Variants in HDAC9 observed in about 807,000 individuals in gnomAD.
HDAC9 encodes histone deacetylase 9.
A neutral mutation model predicts 139.4 loss-of-function variants in HDAC9; 41 were observed. That is an observed-to-expected ratio of 0.29 (90% CI 0.23 to 0.38). The LOEUF (loss-of-function observed/expected upper bound fraction) is 0.38, where lower values mean the gene tolerates loss of function less well. HDAC9 is among the 10% of genes least tolerant of loss of function. The pLI is 1.00. For synonymous variants in HDAC9, 517 were observed against 476.2 expected (o/e 1.09, Z -1.12); for missense variants, 1,147 against 1,297.0 (o/e 0.88, Z 1.78).
At chr7:18,307,964 A>G (rs1229732509) in intron 1 of HDAC9, among the ~76,000 whole-genome samples, 2 of 152,238 alleles carry the variant, frequency 1.3e-5, no homozygotes, top group African/African-American at 4.8e-5. Context: ...ATCTGACTAG[A>G]TATACTTTCC....
At chr7:18,917,662 C>A (rs1487807417) in intron 22 of HDAC9, among the ~76,000 whole-genome samples, 1 of 151,908 alleles carries the variant, frequency 6.6e-6, no homozygotes, top group Non-Finnish European at 1.5e-5. Flanking sequence ...TTTACTGTGT[C>A]CTTTCATTGG....
chr7:18,663,784 C>T (rs145414862), intron 11 of HDAC9, among the ~76,000 whole-genome samples: 30 of 152,220 alleles, frequency 2.0e-4, no homozygotes, highest in African/African-American at 7.2e-4. Context: ...CTGATGGGCT[C>T]CTGCAGCCTC....
chr7:18,294,278 T>A (rs549322952), intron 1 of HDAC9, among the ~76,000 whole-genome samples: 1 of 152,208 alleles, frequency 6.6e-6, no homozygotes, highest in African/African-American at 2.4e-5. Flanking sequence ...AGAATCATGG[T>A]TCAAAGCCCA....
chr7:18,477,390 TGTGC>T (rs920928102), intron 1 of HDAC9, among the ~76,000 whole-genome samples: 1 of 151,874 alleles, frequency 6.6e-6, no homozygotes, highest in African/African-American at 2.4e-5. Context: ...ATCAGTTATG[TGTGC>T]GTGCGTGCGT....
intron 12 of HDAC9, among the ~76,000 whole-genome samples, chr7:18,704,320 T>C (rs1167834129): frequency 6.6e-6 from 1 of 152,220 alleles, no homozygotes; most frequent in African/African-American, 2.4e-5. Flanking sequence ...ATTTGGGACT[T>C]TTCCTTGCTT....
Position 18,591,580 on chromosome 7 carries a change from G to A in HDAC9, c.480G>A (p.Thr160=), listed in dbSNP as rs749900740. 8.7e-6 allele frequency: 14 copies of A among 1,613,064 alleles called. No individual in the cohort carries two copies. The highest frequency in any genetic ancestry group is 3.3e-5 in the Admixed American group (2 of 59,790). The part of the protein sequence containing the change: ...LQEFLLSKSA[T]KDTPTNGKNH... ...AGTTCCTACTGAGTAAATCAGCAAC[G>A]AAAGACACTCCAACTAATGGAAAAA... The change falls in exon 5 of 26, where the codon ACG becomes ACA. Residue 160 remains threonine, a synonymous_variant. Coordinates refer to ENST00000686413, the MANE Select transcript of HDAC9 (RefSeq NM_178425.4).
chr7:18,448,579 A>C (rs1011732355), intron 1 of HDAC9, among the ~76,000 whole-genome samples: 2 of 152,172 alleles, frequency 1.3e-5, no homozygotes, highest in African/African-American at 4.8e-5. Flanking sequence ...TAAATTGAAC[A>C]TTTGTAATAA....
At chr7:18,095,530 A>G (rs1478389584) in intron 1 of HDAC9, among the ~76,000 whole-genome samples, 2 of 152,154 alleles carry the variant, frequency 1.3e-5, no homozygotes, top group African/African-American at 4.8e-5. Context: ...TTAGATGGAA[A>G]AGAGGGCAGA....
intron 3 of HDAC9, among the ~76,000 whole-genome samples, chr7:18,590,116 A>C (rs1479189541): frequency 6.6e-6 from 1 of 152,228 alleles, no homozygotes; most frequent in Non-Finnish European, 1.5e-5. Context: ...ATAGGGATGC[A>C]CAGATAATGG....
Position 19,000,636 on chromosome 7 carries a change from T to C in HDAC9, c.*4574T>C, listed in dbSNP as rs569826864. ...GGTCAGACAATGAAACCTTAGACTT[T>C]TGATTGGGGCTGTTTGGACTTGATC... On this transcript the variant is annotated 3_prime_UTR_variant, in exon 26 of 26. Coordinates refer to ENST00000686413, the MANE Select transcript of HDAC9 (RefSeq NM_178425.4). 2.6e-5 allele frequency: 4 copies of C among 152,352 alleles called. No individual in the cohort carries two copies. The highest frequency in any genetic ancestry group is 9.6e-5 in the African/African-American group (4 of 41,592). The allele number at this position is 152,352 out of a possible 1,614,324, so 9.4% of individuals were successfully genotyped here. A position where few individuals can be genotyped will look rare whatever the true frequency, so the allele number is the denominator to read the frequency against.
At position 18,238,681 on chromosome 7, in the gene HDAC9, G is replaced by A. The variant is rs1245064989; in HGVS notation, c.25+76332G>A. 2.6e-5 allele frequency among the ~76,000 whole-genome samples: 4 copies of A among 152,296 alleles called. No individual in the cohort carries two copies. In the East Asian group the frequency reaches 7.7e-4, roughly 29 times the overall value. On this transcript the variant is annotated intron_variant, in intron 2 of 12. Coordinates refer to the HDAC9 transcript ENST00000417496. ...CTGATTGAGGGCAGAAGAAGGCTGAGCCAATTAAAGAAAACCCTGGGAAGC... is the reference window on the plus strand; with the variant it reads ...CTGATTGAGGGCAGAAGAAGGCTGAACCAATTAAAGAAAACCCTGGGAAGC...
intron 1 of HDAC9, among the ~76,000 whole-genome samples, chr7:18,409,990 A>C (rs1788389963): frequency 6.6e-6 from 1 of 152,054 alleles, no homozygotes; most frequent in Non-Finnish European, 1.5e-5. Context: ...TTTTATTTTA[A>C]ATTTTTAGTC....
intron 1 of HDAC9, among the ~76,000 whole-genome samples, chr7:18,467,833 G>A (rs1478332910): frequency 6.6e-6 from 1 of 151,994 alleles, no homozygotes; most frequent in African/African-American, 2.4e-5. Context: ...ATTCCATCTG[G>A]TATACAATAT....
chr7:18,299,371 C>G (rs1158334671), intron 1 of HDAC9, among the ~76,000 whole-genome samples: 1 of 152,074 alleles, frequency 6.6e-6, no homozygotes, highest in Non-Finnish European at 1.5e-5. Flanking sequence ...GACAAGTAAT[C>G]TCATCAAGAA....
At chr7:18,199,978 A>C (rs915526693) in intron 2 of HDAC9, among the ~76,000 whole-genome samples, 1 of 152,126 alleles carries the variant, frequency 6.6e-6, no homozygotes, top group Non-Finnish European at 1.5e-5. Context: ...GTATGTATTC[A>C]GAAACATAAA....
intron 9 of HDAC9, 102 bp downstream of exon 9, chr7:18,644,895 A>G: frequency 2.5e-6 from 3 of 1,190,006 alleles, no homozygotes; most frequent in Non-Finnish European, 2.3e-6. Context: ...GAAAAACTTG[A>G]CAGAGCCAGC....
At chr7:18,213,641 T>C (rs1792102690) in intron 2 of HDAC9, among the ~76,000 whole-genome samples, 2 of 152,162 alleles carry the variant, frequency 1.3e-5, no homozygotes, top group South Asian at 4.1e-4. Context: ...TCAGACAAAA[T>C]AGTAAAGCTA....
chr7:18,476,644 CCAAATG>C (rs1260383638), intron 1 of HDAC9, among the ~76,000 whole-genome samples: 14 of 152,048 alleles, frequency 9.2e-5, no homozygotes, highest in African/African-American at 3.1e-4. Flanking sequence ...AAGAAAAAAG[CCAAATG>C]ATTATCATAC....
intron 7 of HDAC9, among the ~76,000 whole-genome samples, chr7:18,631,051 G>A (rs955517441): frequency 6.6e-6 from 1 of 152,008 alleles, no homozygotes; most frequent in Admixed American, 6.6e-5. Flanking sequence ...CTGTGTTCCT[G>A]TAGTCTGTTT....
Sources: gnomAD v4.1 joint callset for allele counts (sites outside exome capture counted in the v4.1 genomes callset) on GRCh38, gnomAD v4.1.1 for gene constraint, MANE v1.5 for transcripts, NCBI Gene and HGNC (gene_info 2026-07-23, HGNC 2026-07-21) for gene names.